The following HMCN1 variants were observed in gnomAD, a reference collection of about 807,000 sequenced individuals.
The protein encoded by HMCN1 is hemicentin 1, also known as hemicentin-1.
In HMCN1, 321 loss-of-function variants were observed where a neutral mutation model predicts 625.9. The ratio of observed to expected loss-of-function variants is 0.51; its 90% CI spans 0.47 to 0.56. The LOEUF (loss-of-function observed/expected upper bound fraction) is 0.56, where lower values mean the gene tolerates loss of function less well. Ranked by LOEUF, HMCN1 falls within the 20% of genes least tolerant of loss-of-function variation. The pLI is 0.00. For missense variants in HMCN1, 6,588 were observed against 6,887.3 expected (o/e 0.96, Z 1.54); for synonymous variants, 2,425 against 2,417.6 (o/e 1.00, Z -0.09).
intron 1 of HMCN1, among the ~76,000 whole-genome samples, chr1:185,740,552 G>C (rs74133274): frequency 0.036 from 5,427 of 152,234 alleles, 337 homozygotes; most frequent in African/African-American, 0.12. Context: ...CAATGTGTCA[G>C]TGTTGGGAGG....
chr1:185,997,375 G>T, intron 24 of HMCN1, 54 bp from the exon 25 acceptor site: 1 of 1,084,490 alleles, frequency 9.2e-7, no homozygotes. Context: ...TGCCTTAGGA[G>T]AGTTTGAAAT....
chr1:185,858,212 G>A (rs1037926094), intron 2 of HMCN1, among the ~76,000 whole-genome samples: 2 of 151,970 alleles, frequency 1.3e-5, no homozygotes, highest in Non-Finnish European at 2.9e-5. Context: ...CTCAGCACTT[G>A]GCTCAGAGTA....
chr1:185,746,185 T>A (rs1172870364), intron 1 of HMCN1, among the ~76,000 whole-genome samples: 1 of 152,126 alleles, frequency 6.6e-6, no homozygotes, highest in Non-Finnish European at 1.5e-5. Flanking sequence ...ATGGAGCTGG[T>A]GAGTACAGGA....
rs1221769352 is a variant in HMCN1 at position 185,846,679 on chromosome 1, G to C, written c.339+583G>C. Among the ~76,000 whole-genome samples the C allele has an allele frequency of 2.0e-5, 3 of 152,110 alleles. No homozygotes were observed. In the South Asian group the frequency reaches 6.2e-4, roughly 32 times the overall value. On this transcript the variant is annotated intron_variant, in intron 2 of 106. Transcript: ENST00000271588. ...TTGGCTTTTCCGAGGCTGTTTCACT[G>C]TACTACCTTCTATGGTCTCTGCCTC...
intron 1 of HMCN1, among the ~76,000 whole-genome samples, chr1:185,845,568 C>T (rs575398040): frequency 6.6e-6 from 1 of 152,286 alleles, no homozygotes; most frequent in South Asian, 2.1e-4. Context: ...TGAATGTTCA[C>T]TTTTTTCTAT....
chr1:185,803,932 C>T (rs1478200064), intron 1 of HMCN1, among the ~76,000 whole-genome samples: 3 of 152,040 alleles, frequency 2.0e-5, no homozygotes, highest in African/African-American at 7.2e-5. Flanking sequence ...CTTCAGAATA[C>T]ATCTTCTTGG....
chr1:185,832,343 GA>G (rs1297539710), intron 1 of HMCN1, among the ~76,000 whole-genome samples: 1 of 151,960 alleles, frequency 6.6e-6, no homozygotes, highest in Non-Finnish European at 1.5e-5. Flanking sequence ...TAATAAGCAT[GA>G]ATGGCCAGAA....
At chr1:186,173,426 C>T (rs977998718) in intron 102 of HMCN1, among the ~76,000 whole-genome samples, 1 of 151,702 alleles carries the variant, frequency 6.6e-6, no homozygotes, top group Non-Finnish European at 1.5e-5. Flanking sequence ...GCAGCCAACT[C>T]GGTCAGGAGT....
In HMCN1 at chr1:186,137,840, T is replaced by G; in HGVS notation, c.13792T>G (p.Cys4598Gly). Residue 4598 changes from cysteine (C) to glycine (G), a missense_variant, in exon 89 of 107, where the codon TGC becomes GGC. Coordinates refer to ENST00000271588, the MANE Select transcript of HMCN1 (RefSeq NM_031935.3). ...GTCGGAATGGAGTCTTTGGGAAGAA[T>G]GCACAAGGAGCTGTGGACGCGGCAA... ...SWSEWSLWEE[C>G]TRSCGRGNQT... 6.2e-7 allele frequency: 1 copy of G among 1,614,030 alleles called. No homozygotes were observed. The highest frequency in any genetic ancestry group is 8.5e-7 in the Non-Finnish European group (1 of 1,179,964).
chr1:186,093,759 T>G, intron 66 of HMCN1, 90 bp downstream of exon 66: 2 of 1,559,902 alleles, frequency 1.3e-6, no homozygotes, highest in Non-Finnish European at 1.8e-6. Flanking sequence ...GAAGAAATGT[T>G]TTTTTCTAAG....
At chr1:186,143,671 C>T (rs554747262) in intron 89 of HMCN1, among the ~76,000 whole-genome samples, 65 of 152,294 alleles carry the variant, frequency 4.3e-4, no homozygotes, top group Non-Finnish European at 7.1e-4. Flanking sequence ...GATCCAAGTA[C>T]ATATGTAGAT....
intron 35 of HMCN1, among the ~76,000 whole-genome samples, chr1:186,021,163 T>C (rs539736696): frequency 4.8e-4 from 73 of 152,204 alleles, no homozygotes; most frequent in African/African-American, 1.8e-3. Flanking sequence ...AGGTATTTAT[T>C]AGTTAAATCA....
intron 1 of HMCN1, among the ~76,000 whole-genome samples, chr1:185,840,329 T>C (rs529979886): frequency 8.5e-5 from 13 of 152,366 alleles, no homozygotes; most frequent in African/African-American, 2.9e-4. Flanking sequence ...TGTATATTTA[T>C]ACTAACATTT....
Position 185,997,478 on chromosome 1 carries a change from A to G in HMCN1, c.3828A>G (p.Gln1276=). The G allele has an allele frequency of 6.2e-7, 1 of 1,612,988 alleles. No homozygotes were observed. The highest frequency in any genetic ancestry group is 8.5e-7 in the Non-Finnish European group (1 of 1,179,318). ...AACCTCCATATAACACTACTTTCCAAGAAAGAGTGGCCAATCAACGCATTG... is the reference window on the plus strand; with the variant it reads ...AACCTCCATATAACACTACTTTCCAGGAAAGAGTGGCCAATCAACGCATTG... ...DLEPPYNTTF[Q]ERVANQRIEF... is the part of the protein sequence containing the mutation. Residue 1276 remains glutamine (Q), a synonymous_variant, in exon 25 of 107, where the codon CAA becomes CAG. Coordinates refer to ENST00000271588, the MANE Select transcript of HMCN1 (RefSeq NM_031935.3).
intron 97 of HMCN1, among the ~76,000 whole-genome samples, chr1:186,163,479 G>A (rs900592788): frequency 1.3e-5 from 2 of 152,144 alleles, no homozygotes; most frequent in Non-Finnish European, 2.9e-5. Context: ...TGGAAATGAG[G>A]AAATCACCCG....
In HMCN1 at chr1:186,108,566, T is replaced by C. The variant is rs746480984; in HGVS notation, c.10958T>C (p.Ile3653Thr). 134 of 1,613,956 alleles carry C rather than the reference T, an allele frequency of 8.3e-5. No individual in the cohort carries two copies. The highest frequency in any genetic ancestry group is 1.8e-4 in the South Asian group (16 of 91,092). Residue 3653 changes from isoleucine (I) to threonine (T), a missense_variant, in exon 71 of 107, where the codon ATT becomes ACT. Ile to Thr is a moderately conservative substitution (Grantham distance 89). Transcript: ENST00000271588. ...CKSDAVPPPVITWLRNGERLQ... is the reference protein window; with the variant it reads ...CKSDAVPPPVTTWLRNGERLQ... ...TCAGATGCAGTGCCCCCACCTGTAA[T>C]TACTTGGCTCAGAAATGGAGAACGG...
At chr1:186,034,425 A>C (rs947043065) in intron 36 of HMCN1, among the ~76,000 whole-genome samples, 1 of 152,176 alleles carries the variant, frequency 6.6e-6, no homozygotes, top group African/African-American at 2.4e-5. Context: ...AATTCTATGA[A>C]GTCTGTTTTT....
At chr1:186,140,379 A>T (rs1332634100) in intron 89 of HMCN1, among the ~76,000 whole-genome samples, 1 of 152,188 alleles carries the variant, frequency 6.6e-6, no homozygotes, top group Non-Finnish European at 1.5e-5. Flanking sequence ...TTTAGAGAAG[A>T]CAATTCAATT....
Position 185,790,765 on chromosome 1 carries a change from G to T in HMCN1, c.269-55261G>T, listed in dbSNP as rs74135330. ...ACCAAAAATGCCACACACATTCTCCGATGTTCTCTCCAGAGTGATACTGCC... is the reference window on the plus strand; with the variant it reads ...ACCAAAAATGCCACACACATTCTCCTATGTTCTCTCCAGAGTGATACTGCC... On this transcript the variant is annotated intron_variant, in intron 1 of 106. Transcript: ENST00000271588. Among the ~76,000 whole-genome samples, 1,417 of 152,276 alleles carry T rather than the reference G, an allele frequency of 9.3e-3. 21 individuals are homozygous for T. The highest frequency in any genetic ancestry group is 0.031 in the African/African-American group (1,277 of 41,550).
Sources: allele counts gnomAD v4.1 joint callset (sites outside exome capture counted in the v4.1 genomes callset), GRCh38; gene constraint gnomAD v4.1.1; transcripts MANE v1.5; gene names NCBI Gene and HGNC (gene_info 2026-07-23, HGNC 2026-07-21).